Variants in POU6F2 observed in about 807,000 individuals in gnomAD.
The protein encoded by POU6F2 is POU domain, class 6, transcription factor 2.
A neutral mutation model predicts 71.3 loss-of-function variants in POU6F2; 31 were observed. The ratio of observed to expected loss-of-function variants is 0.43; its 90% CI spans 0.33 to 0.59. The LOEUF (loss-of-function observed/expected upper bound fraction) is 0.59, where lower values mean the gene tolerates loss of function less well. Ranked by LOEUF, POU6F2 falls within the 20% of genes least tolerant of loss-of-function variation. The probability of loss-of-function intolerance (pLI) is 0.04; values close to 1 mark genes in which losing one functional copy is unlikely to be tolerated. For synonymous variants in POU6F2, 347 were observed against 355.7 expected (o/e 0.98, Z 0.27); for missense variants, 783 against 856.8 (o/e 0.91, Z 1.07).
At chr7:39,432,943 C>T in intron 6 of POU6F2, 134 bp from the exon 7 acceptor site, 4 of 767,798 alleles carry the variant, frequency 5.2e-6, no homozygotes, top group Middle Eastern at 3.0e-4. Flanking sequence ...CACCACACCC[C>T]CCTCCAGAGC....
intron 4 of POU6F2, among the ~76,000 whole-genome samples, chr7:39,252,543 G>T (rs895948442): frequency 6.6e-6 from 1 of 152,102 alleles, no homozygotes; most frequent in African/African-American, 2.4e-5. Context: ...TTAACCCAAA[G>T]CATGTTTGAG....
At chr7:39,398,006 A>G (rs1787213698) in intron 5 of POU6F2, among the ~76,000 whole-genome samples, 1 of 151,762 alleles carries the variant, frequency 6.6e-6, no homozygotes, top group African/African-American at 2.4e-5. Context: ...ATTTTAGCAG[A>G]GTTAGAGTTT....
intron 5 of POU6F2, among the ~76,000 whole-genome samples, chr7:39,363,482 T>C (rs765210676): frequency 2.0e-5 from 3 of 151,788 alleles, no homozygotes; most frequent in Admixed American, 1.3e-4. Flanking sequence ...AAAAGGTCCG[T>C]GCTGGAGATA....
intron 2 of POU6F2, among the ~76,000 whole-genome samples, chr7:39,157,265 G>C (rs1386293214): frequency 6.6e-6 from 1 of 152,110 alleles, no homozygotes; most frequent in Non-Finnish European, 1.5e-5. Flanking sequence ...CCGTTCCAAA[G>C]ATTTCAATTT....
chr7:39,088,945 C>A (rs1263639761), intron 2 of POU6F2, among the ~76,000 whole-genome samples: 1 of 152,136 alleles, frequency 6.6e-6, no homozygotes, highest in Non-Finnish European at 1.5e-5. Flanking sequence ...ATTCCAGGAA[C>A]CACTGGGCCT....
In POU6F2 at chr7:39,266,070, A is replaced by G. The variant is rs144270420; in HGVS notation, c.598+58450A>G. 1.8e-3 allele frequency among the ~76,000 whole-genome samples: 272 copies of G among 152,302 alleles called. 1 individual carries two copies. Among genetic ancestry groups the G allele is most frequent in the African/African-American group, 5.9e-3 (247 of 41,572 alleles). Reference sequence around the variant, plus strand: ...TGGAGGTTTTCAGATGTATCAAAGCATCTCACCCACTGGGAGGGAAGCATC... The same window carrying G: ...TGGAGGTTTTCAGATGTATCAAAGCGTCTCACCCACTGGGAGGGAAGCATC... On this transcript the variant is annotated intron_variant, in intron 4 of 9. Transcript: ENST00000518318.
In POU6F2 at chr7:39,092,553, C is replaced by T. The variant is rs1254252361; in HGVS notation, c.277+6522C>T. On this transcript the variant is annotated intron_variant, in intron 2 of 9. Coordinates refer to ENST00000518318, the MANE Select transcript of POU6F2 (RefSeq NM_001370959.1). ...ACTCTGAATGAGCTTCTAAATCTAT[C>T]AACACTGGGCTTTTCTTTGGGAATA... Among the ~76,000 whole-genome samples, 4 of 152,146 alleles carry T rather than the reference C, an allele frequency of 2.6e-5. No homozygotes were observed. The East Asian group carries it at 7.7e-4, about 29-fold the overall frequency.
At position 39,028,876 on chromosome 7, in the gene POU6F2, A is replaced by G. The variant is rs1320456608; in HGVS notation, c.105+50818A>G. On this transcript the variant is annotated intron_variant, in intron 1 of 9. Transcript: ENST00000518318. ...GCTGTAGTGTACTGGCACAATCACA[A>G]TTCATTGCAGCCTCAACTCCCAGGC... Among the ~76,000 whole-genome samples the G allele has an allele frequency of 3.3e-5, 5 of 152,046 alleles. No individual in the cohort carries two copies. The South Asian group carries it at 8.3e-4, about 25-fold the overall frequency.
chr7:39,385,356 C>G (rs1786915125), intron 5 of POU6F2, among the ~76,000 whole-genome samples: 1 of 152,178 alleles, frequency 6.6e-6, no homozygotes, highest in Non-Finnish European at 1.5e-5. Context: ...CGTTCAGCAC[C>G]AGGGGCAGAG....
chr7:39,054,781 TAAAAA>T (rs35518758), intron 1 of POU6F2, among the ~76,000 whole-genome samples: 2 of 140,112 alleles, frequency 1.4e-5, no homozygotes, highest in Non-Finnish European at 3.1e-5. Flanking sequence ...TGGAGACACT[TAAAAA>T]AAAAAAAAAG....
intron 1 of POU6F2, among the ~76,000 whole-genome samples, chr7:39,056,221 G>A (rs1333674431): frequency 6.6e-6 from 1 of 152,018 alleles, no homozygotes; most frequent in African/African-American, 2.4e-5. Flanking sequence ...GAAGGCATCA[G>A]AGAGCCAGGA....
At chr7:39,077,277 A>C (rs571000815) in intron 1 of POU6F2, among the ~76,000 whole-genome samples, 2 of 152,232 alleles carry the variant, frequency 1.3e-5, no homozygotes, top group African/African-American at 4.8e-5. Context: ...ATAAGTATAC[A>C]TGAAGCATGG....
chr7:39,364,809 T>C (rs1403958246), intron 5 of POU6F2, among the ~76,000 whole-genome samples: 1 of 152,206 alleles, frequency 6.6e-6, no homozygotes, highest in Non-Finnish European at 1.5e-5. Context: ...GATCAAATGG[T>C]AGTTCTACTT....
intron 6 of POU6F2, among the ~76,000 whole-genome samples, chr7:39,431,004 C>G (rs1788086465): frequency 6.6e-6 from 1 of 152,168 alleles, no homozygotes; most frequent in African/African-American, 2.4e-5. Context: ...CAGGAGCCAG[C>G]CTTTGAATCC....
intron 9 of POU6F2, among the ~76,000 whole-genome samples, chr7:39,461,395 GC>G (rs1198334262): frequency 6.6e-6 from 1 of 152,168 alleles, no homozygotes; most frequent in Non-Finnish European, 1.5e-5. Context: ...TCAGAAGCAG[GC>G]CCCGTGCATG....
At chr7:39,402,411 T>G (rs1787325485) in intron 5 of POU6F2, among the ~76,000 whole-genome samples, 1 of 152,182 alleles carries the variant, frequency 6.6e-6, no homozygotes, top group African/African-American at 2.4e-5. Context: ...AGGAATTTTT[T>G]TTTTTTGCAA....
Position 39,465,859 on chromosome 7 carries a change from G to A in POU6F2, c.*1173G>A, listed in dbSNP as rs756280554. The A allele has an allele frequency of 6.6e-6, 1 of 152,174 alleles. No homozygotes were observed. The highest frequency in any genetic ancestry group is 1.5e-5 in the Non-Finnish European group (1 of 68,038). The allele number at this position is 152,174 out of a possible 1,614,324, so 9.4% of individuals were successfully genotyped here. On this transcript the variant is annotated 3_prime_UTR_variant, in exon 10 of 10. Transcript: ENST00000518318. Reference sequence around the variant, plus strand: ...CATTTGGTTCAATACTTACATCTATGTTATGCTTCTGTGCAAAGCAATTTC... The same window carrying A: ...CATTTGGTTCAATACTTACATCTATATTATGCTTCTGTGCAAAGCAATTTC...
chr7:39,061,259 T>C (rs6462892), intron 1 of POU6F2, among the ~76,000 whole-genome samples: 86,652 of 151,946 alleles, frequency 0.57, 25,313 homozygotes, highest in East Asian at 0.87. Context: ...ATGATATGTT[T>C]ATTTGGTTGA....
At chr7:39,054,866 A>T (rs137965533) in intron 1 of POU6F2, among the ~76,000 whole-genome samples, 3 of 152,108 alleles carry the variant, frequency 2.0e-5, no homozygotes, top group African/African-American at 7.2e-5. Flanking sequence ...GTGTGAGCAC[A>T]TGAAAAAAGC....
Sources: gnomAD v4.1 joint callset for allele counts (sites outside exome capture counted in the v4.1 genomes callset) on GRCh38, gnomAD v4.1.1 for gene constraint, MANE v1.5 for transcripts, NCBI Gene and HGNC (gene_info 2026-07-23, HGNC 2026-07-21) for gene names.